The following EP300 variants were observed in gnomAD, a reference collection of about 807,000 sequenced individuals.
EP300 encodes histone acetyltransferase p300.
Under a neutral mutation model 264.0 loss-of-function variants are expected in EP300, and 31 were observed. The observed-to-expected ratio is 0.12, with a 90% CI of 0.09 to 0.16. The LOEUF (loss-of-function observed/expected upper bound fraction) is 0.16. Among genes scored for constraint, EP300 ranks in the 10% least tolerant of loss-of-function variants. EP300 has a pLI of 1.00. For missense variants in EP300, 2,766 were observed against 3,052.9 expected (o/e 0.91, Z 2.21); for synonymous variants, 1,340 against 1,045.4 (o/e 1.28, Z -5.44).
chr22:41,160,710 C>G lies in EP300; in HGVS notation c.3659C>G (p.Ser1220Cys), dbSNP rs1176732027. 2 of 1,613,890 alleles carry G rather than the reference C, an allele frequency of 1.2e-6. No individual in the cohort carries two copies. Among genetic ancestry groups the G allele is most frequent in the African/African-American group, 2.7e-5 (2 of 74,898 alleles). The stretch of plus-strand genomic sequence containing the variant: ...AGCGTTTCTTTGGGGGATGACCCTT[C>G]CCAGCCTCAAACGTAAGTAACTGCA... ...GESVSLGDDP[S>C]QPQTTINKEQ... Residue 1220 changes from serine to cysteine, a missense_variant, in exon 20 of 31, where the codon TCC (serine) becomes TGC (cysteine). Coordinates refer to ENST00000263253, the MANE Select transcript of EP300 (RefSeq NM_001429.4).
At chr22:41,160,960 A>C (rs772407586) in intron 20 of EP300, among the ~76,000 whole-genome samples, 3 of 151,132 alleles carry the variant, frequency 2.0e-5, no homozygotes, top group Non-Finnish European at 4.4e-5. Context: ...CACAGAGAAC[A>C]TATCCATCAT....
chr22:41,110,128 C>CT lies in EP300; in HGVS notation c.95-7050dup, dbSNP rs1555904629. 1.2e-3 allele frequency among the ~76,000 whole-genome samples: 131 copies of CT among 108,550 alleles called. 4 individuals are homozygous for CT. The highest frequency in any genetic ancestry group is 1.6e-3 in the Non-Finnish European group (84 of 51,416). The allele number at this position is 108,550 out of a possible 152,430, so 71.2% of individuals were successfully genotyped here. On this transcript the variant is annotated intron_variant, in intron 1 of 30. Transcript: ENST00000263253. ...CCATCCTGTTCCCTGCCCCCCCCCC[C>CT]TTTTTTTTTAAGTTATTGAGACAGA...
chr22:41,148,946 A>G (rs2059027260), intron 12 of EP300, 92 bp from the exon 13 acceptor site: 2 of 1,575,382 alleles, frequency 1.3e-6, no homozygotes, highest in South Asian at 1.1e-5. Context: ...TCTACTTAAT[A>G]AGCCTGACGT....
At chr22:41,101,189 C>T (rs370271404) in intron 1 of EP300, among the ~76,000 whole-genome samples, 75 of 152,210 alleles carry the variant, frequency 4.9e-4, no homozygotes, top group African/African-American at 1.7e-3. Flanking sequence ...ATTCTCCTGC[C>T]TCAACCTCCC....
chr22:41,098,403 G>A (rs995567201), intron 1 of EP300, among the ~76,000 whole-genome samples: 5 of 152,074 alleles, frequency 3.3e-5, no homozygotes, highest in Non-Finnish European at 5.9e-5. Context: ...ACGGAGTCTC[G>A]CTCTGTCGCC....
intron 1 of EP300, among the ~76,000 whole-genome samples, chr22:41,093,405 C>T (rs1025456192): frequency 2.0e-5 from 3 of 152,192 alleles, no homozygotes; most frequent in Non-Finnish European, 2.9e-5. Flanking sequence ...AATGCCAATG[C>T]ATTTGTGTGT....
chr22:41,135,565 CTTT>C (rs201001777), intron 6 of EP300, among the ~76,000 whole-genome samples: 1 of 142,852 alleles, frequency 7.0e-6, no homozygotes, highest in African/African-American at 2.6e-5. Context: ...GTCACATTTG[CTTT>C]TTTTTTTTAA....
chr22:41,170,206 A>G (rs1385262647), intron 26 of EP300, among the ~76,000 whole-genome samples, 200 bp from the exon 27 acceptor site: 3 of 152,256 alleles, frequency 2.0e-5, no homozygotes, highest in Admixed American at 1.3e-4. Flanking sequence ...TAAGTAGGCA[A>G]TATGAGATCC....
chr22:41,134,296 T>C (rs892935346), intron 6 of EP300, among the ~76,000 whole-genome samples: 2 of 151,960 alleles, frequency 1.3e-5, no homozygotes, highest in African/African-American at 2.4e-5. Context: ...GAAACGTACG[T>C]GTGTGTTTGA....
At chr22:41,171,761 A>G (rs1261659215) in intron 27 of EP300, among the ~76,000 whole-genome samples, 2 of 150,850 alleles carry the variant, frequency 1.3e-5, no homozygotes, top group Admixed American at 6.6e-5. Flanking sequence ...ACAGGCATGC[A>G]CCACCAAGCC....
At chr22:41,123,937 A>T (rs1433227919) in intron 2 of EP300, among the ~76,000 whole-genome samples, 1 of 152,222 alleles carries the variant, frequency 6.6e-6, no homozygotes, top group Non-Finnish European at 1.5e-5. Context: ...ATAAATATAG[A>T]ACATAAACTA....
Position 41,168,477 on chromosome 22 carries a change from T to A in EP300, c.3903T>A (p.Phe1301Leu). ...KRLPSTRLGT[F>L]LENRVNDFLR... ...TGCCATCTACCAGACTTGGCACCTT[T>A]CTAGAGAATCGTGTGAATGACTTTC... The change falls in exon 24 of 31, where the codon TTT becomes TTA. Residue 1301 changes from phenylalanine to leucine, a missense_variant. Physicochemically the swap from Phe to Leu is conservative, Grantham distance 22. Coordinates refer to ENST00000263253, the MANE Select transcript of EP300 (RefSeq NM_001429.4). 1 of 1,614,210 alleles carries A rather than the reference T, an allele frequency of 6.2e-7. No individual in the cohort carries two copies. The highest frequency in any genetic ancestry group is 8.5e-7 in the Non-Finnish European group (1 of 1,180,032).
At position 41,177,423 on chromosome 22, in the gene EP300, G is replaced by A. The variant is rs2145517258; in HGVS notation, c.5712G>A (p.Gln1904=). The A allele has an allele frequency of 6.2e-7, 1 of 1,614,148 alleles. No homozygotes were observed. The highest frequency in any genetic ancestry group is 8.5e-7 in the Non-Finnish European group (1 of 1,180,038). ...GPVSQGKAAG[Q]VTPPTPPQTA... is the part of the protein sequence containing the mutation. ...TGTCCCAGGGTAAGGCAGCAGGCCAGGTGACCCCTCCAACCCCTCCTCAGA... is the reference window on the plus strand; with the variant it reads ...TGTCCCAGGGTAAGGCAGCAGGCCAAGTGACCCCTCCAACCCCTCCTCAGA... Residue 1904 remains glutamine, a synonymous_variant, in exon 31 of 31, where the codon CAG becomes CAA. Coordinates refer to ENST00000263253, the MANE Select transcript of EP300 (RefSeq NM_001429.4).
rs140477031 is a variant in EP300 at position 41,138,374 on chromosome 22, C to T, written c.1760+584C>T. Among the ~76,000 whole-genome samples, 206 of 152,170 alleles carry T rather than the reference C, an allele frequency of 1.4e-3. 1 individual carries two copies. Among genetic ancestry groups the T allele is most frequent in the African/African-American group, 4.5e-3 (186 of 41,520 alleles). On this transcript the variant is annotated intron_variant, in intron 8 of 30. Coordinates refer to ENST00000263253, the MANE Select transcript of EP300 (RefSeq NM_001429.4). ...AGACGGGGTTTCACTGTGTTGGTCACGCTGACTTCAAATTCCTGACATCAA... is the reference window on the plus strand; with the variant it reads ...AGACGGGGTTTCACTGTGTTGGTCATGCTGACTTCAAATTCCTGACATCAA...
chr22:41,147,288 A>T (rs570169229), intron 11 of EP300, among the ~76,000 whole-genome samples: 2 of 148,226 alleles, frequency 1.3e-5, no homozygotes, highest in East Asian at 4.0e-4. Flanking sequence ...CCTGAGTGAC[A>T]GCAAGACTTC....
At chr22:41,101,880 C>CA (rs1207914018) in intron 1 of EP300, among the ~76,000 whole-genome samples, 2 of 152,116 alleles carry the variant, frequency 1.3e-5, no homozygotes, top group Non-Finnish European at 2.9e-5. Flanking sequence ...AGTAGCAGTG[C>CA]AGTGCTCCAA....
At chr22:41,165,535 T>G (rs2059129436) in intron 22 of EP300, among the ~76,000 whole-genome samples, 1 of 152,116 alleles carries the variant, frequency 6.6e-6, no homozygotes, top group Non-Finnish European at 1.5e-5. Flanking sequence ...GTGATTCTCC[T>G]GCCTCAGCCT....
rs1478553051 is a variant in EP300 at position 41,143,536 on chromosome 22, ATCT to A, written c.2053+2317_2053+2319del. ...ATGTTGAAGAAAACATAACATTCTC[ATCT>A]TCATGTTTCTTTAACATTTGTTTTT... On this transcript the variant is annotated intron_variant, in intron 10 of 30. Coordinates refer to ENST00000263253, the MANE Select transcript of EP300 (RefSeq NM_001429.4). Among the ~76,000 whole-genome samples, 5 of 152,292 alleles carry A rather than the reference ATCT, an allele frequency of 3.3e-5. No homozygotes were observed. The East Asian group carries it at 9.6e-4, about 29-fold the overall frequency.
intron 17 of EP300, among the ~76,000 whole-genome samples, chr22:41,156,159 A>G (rs1387393542): frequency 6.6e-6 from 1 of 151,912 alleles, no homozygotes; most frequent in Non-Finnish European, 1.5e-5. Flanking sequence ...GATTACAGGC[A>G]TGTGCCACCA....
Sources: allele counts gnomAD v4.1 joint callset (sites outside exome capture counted in the v4.1 genomes callset), GRCh38; gene constraint gnomAD v4.1.1; transcripts MANE v1.5; gene names NCBI Gene and HGNC (gene_info 2026-07-23, HGNC 2026-07-21).